Variants in MB21D2 observed in about 807,000 individuals in gnomAD.
MB21D2 encodes the protein Mab-21 domain containing 2.
In MB21D2, 9 loss-of-function variants were observed where a neutral mutation model predicts 33.3. The ratio of observed to expected loss-of-function variants is 0.27; its 90% CI spans 0.16 to 0.47. The LOEUF is 0.47. Among genes scored for constraint, MB21D2 ranks in the 20% least tolerant of loss-of-function variants. The pLI, the probability that MB21D2 is intolerant of heterozygous loss-of-function variation, is 0.99. For synonymous variants in MB21D2, 241 were observed against 236.3 expected (o/e 1.02, Z -0.18); for missense variants, 540 against 624.6 (o/e 0.86, Z 1.44).
chr3:192,913,300 G>A (rs747427334), intron 1 of MB21D2, among the ~76,000 whole-genome samples: 5 of 152,046 alleles, frequency 3.3e-5, no homozygotes, highest in Non-Finnish European at 7.4e-5. Context: ...GGGAGGCTGG[G>A]GTGGGAGGAT....
At chr3:192,809,953 A>C (rs1711750864) in intron 1 of MB21D2, among the ~76,000 whole-genome samples, 1 of 152,234 alleles carries the variant, frequency 6.6e-6, no homozygotes, top group Non-Finnish European at 1.5e-5. Flanking sequence ...TCAGATGCGT[A>C]GTCTAATTTG....
chr3:192,823,570 G>A (rs1019853694), intron 1 of MB21D2, among the ~76,000 whole-genome samples: 28 of 152,072 alleles, frequency 1.8e-4, no homozygotes, highest in Middle Eastern at 3.2e-3. Flanking sequence ...CAAGAGAATC[G>A]CTTGAACCTG....
intron 1 of MB21D2, among the ~76,000 whole-genome samples, chr3:192,840,255 A>C (rs1712537147): frequency 6.6e-6 from 1 of 152,146 alleles, no homozygotes; most frequent in African/African-American, 2.4e-5. Context: ...GAAAAGGGCA[A>C]ATAACTGAAA....
rs187162135 is a variant in MB21D2 at position 192,812,236 on chromosome 3, C to A, written c.212-12586G>T. Among the ~76,000 whole-genome samples the A allele has an allele frequency of 7.9e-5, 12 of 152,080 alleles. No homozygotes were observed. In the South Asian group the frequency reaches 1.2e-3, roughly 16 times the overall value. On this transcript the variant is annotated intron_variant, in intron 1 of 1. Transcript: ENST00000392452. ...CTAATTTTTGTATTTTCAGTAGAGA[C>A]AGGGTTTCACCATGTTGGTCAGGCT...
chr3:192,887,887 G>A (rs145115113), intron 1 of MB21D2, among the ~76,000 whole-genome samples: 2,320 of 152,118 alleles, frequency 0.015, 28 homozygotes, highest in Non-Finnish European at 0.023. Context: ...CTTCAGTAAG[G>A]CTTGGGTGGG....
At chr3:192,859,422 G>A (rs576298088) in intron 1 of MB21D2, among the ~76,000 whole-genome samples, 1 of 152,232 alleles carries the variant, frequency 6.6e-6, no homozygotes, top group East Asian at 1.9e-4. Flanking sequence ...AGCGGGGGAA[G>A]AAGACAGCAC....
intron 1 of MB21D2, among the ~76,000 whole-genome samples, chr3:192,831,885 G>A (rs185539284): frequency 5.3e-5 from 8 of 152,222 alleles, no homozygotes; most frequent in Admixed American, 6.5e-5. Flanking sequence ...AGCTTGAGAA[G>A]GGGAAATGAC....
chr3:192,863,939 C>T (rs1220011402), intron 1 of MB21D2, among the ~76,000 whole-genome samples: 1 of 152,082 alleles, frequency 6.6e-6, no homozygotes, highest in Admixed American at 6.5e-5. Context: ...TTATAACCCA[C>T]CCAGTCTATG....
chr3:192,911,612 A>G (rs998719251), intron 1 of MB21D2, among the ~76,000 whole-genome samples: 1 of 152,170 alleles, frequency 6.6e-6, no homozygotes, highest in Non-Finnish European at 1.5e-5. Context: ...TTAGAATCTA[A>G]TATTTCTGTG....
intron 1 of MB21D2, among the ~76,000 whole-genome samples, chr3:192,902,048 A>G (rs1489139681): frequency 6.6e-6 from 1 of 152,210 alleles, no homozygotes; most frequent in Non-Finnish European, 1.5e-5. Flanking sequence ...TGTAGATAGG[A>G]TGAGATTTCA....
intron 1 of MB21D2, among the ~76,000 whole-genome samples, chr3:192,808,530 T>C (rs1284946835): frequency 6.6e-6 from 1 of 152,180 alleles, no homozygotes; most frequent in Admixed American, 6.5e-5. Context: ...TGTAAAGTCA[T>C]CCATCCGGCA....
chr3:192,907,866 CCT>C (rs1291358474), intron 1 of MB21D2, among the ~76,000 whole-genome samples: 15 of 152,106 alleles, frequency 9.9e-5, no homozygotes, highest in Non-Finnish European at 1.5e-5. Flanking sequence ...TCTGAAAAGC[CCT>C]GAGTATGGGC....
intron 1 of MB21D2, among the ~76,000 whole-genome samples, chr3:192,864,624 G>A (rs566796482): frequency 7.9e-5 from 12 of 152,014 alleles, no homozygotes; most frequent in Middle Eastern, 3.4e-3. Context: ...CTCCTGCCTT[G>A]GCCTCCCAAG....
Position 192,853,909 on chromosome 3 carries a change from T to C in MB21D2, c.212-54259A>G, listed in dbSNP as rs138096069. Among the ~76,000 whole-genome samples the C allele has an allele frequency of 5.9e-4, 90 of 152,346 alleles. 1 individual carries two copies. The East Asian group carries it at 0.016, about 27-fold the overall frequency. ...TGATCTGTGATCTTTGATGTTACTA[T>C]TGTAATTGTCTTGGGGCACCATGAA... On this transcript the variant is annotated intron_variant, in intron 1 of 1. Transcript: ENST00000392452.
Position 192,884,518 on chromosome 3 carries a change from C to T in MB21D2, c.211+33112G>A, listed in dbSNP as rs555462325. 5.1e-5 allele frequency among the ~76,000 whole-genome samples: 7 copies of T among 135,974 alleles called. No individual in the cohort carries two copies. In the South Asian group the frequency reaches 1.6e-3, roughly 31 times the overall value. 89.2% of individuals were successfully genotyped at this position (135,974 alleles called of 152,430 possible). ...AGTAGCTGGGACTACAGGCGCCCGC[C>T]ACCACGCCCGGCTAATTTTTTGTAT... On this transcript the variant is annotated intron_variant, in intron 1 of 1. Transcript: ENST00000392452.
At chr3:192,870,803 T>C (rs1317439050) in intron 1 of MB21D2, among the ~76,000 whole-genome samples, 2 of 149,528 alleles carry the variant, frequency 1.3e-5, no homozygotes, top group African/African-American at 2.5e-5. Context: ...GCAAAACCGA[T>C]GTAGAAACAG....
intron 1 of MB21D2, among the ~76,000 whole-genome samples, chr3:192,824,200 G>A (rs1712119011): frequency 6.6e-6 from 1 of 152,180 alleles, no homozygotes; most frequent in Non-Finnish European, 1.5e-5. Context: ...ACACCCCAGT[G>A]TCTAAGGCCC....
At position 192,857,544 on chromosome 3, in the gene MB21D2, G is replaced by A. The variant is rs1019649033; in HGVS notation, c.212-57894C>T. ...AAACCATTCTTCTATCCCTTTCAGC[G>A]TGCGCATCTTGCCGAACTTCTGGAC... is the stretch of plus-strand genomic sequence containing the variant. On this transcript the variant is annotated intron_variant, in intron 1 of 1. Coordinates refer to ENST00000392452, the MANE Select transcript of MB21D2 (RefSeq NM_178496.4). Among the ~76,000 whole-genome samples, 98 of 152,104 alleles carry A rather than the reference G, an allele frequency of 6.4e-4. 1 individual carries two copies. The highest frequency in any genetic ancestry group is 6.4e-3 in the Admixed American group (98 of 15,276).
intron 1 of MB21D2, among the ~76,000 whole-genome samples, chr3:192,838,428 C>CTTT (rs55769534): frequency 8.1e-6 from 1 of 124,168 alleles, no homozygotes; most frequent in Non-Finnish European, 1.7e-5. Flanking sequence ...AATCTGTGGA[C>CTTT]TTTTTTTTTT....
Sources: gnomAD v4.1 joint callset for allele counts (sites outside exome capture counted in the v4.1 genomes callset) on GRCh38, gnomAD v4.1.1 for gene constraint, MANE v1.5 for transcripts, NCBI Gene and HGNC (gene_info 2026-07-23, HGNC 2026-07-21) for gene names.